Variants in RTN3 observed in about 807,000 individuals in gnomAD.
RTN3 encodes reticulon 3.
In RTN3, 49 loss-of-function variants were observed where a neutral mutation model predicts 77.8. The ratio of observed to expected loss-of-function variants is 0.63; its 90% confidence interval spans 0.50 to 0.80. The LOEUF is 0.80. Among genes scored for constraint, RTN3 ranks in the 30% least tolerant of loss-of-function variants. The pLI is 0.00. For synonymous variants in RTN3, 464 were observed against 446.9 expected (o/e 1.04, Z -0.48); for missense variants, 1,236 against 1,211.9 (o/e 1.02, Z -0.29).
chr11:63,686,705 C>T (rs138938621), intron 1 of RTN3, among the ~76,000 whole-genome samples: 209 of 151,990 alleles, frequency 1.4e-3, no homozygotes, highest in African/African-American at 4.1e-3. Context: ...TGGTGATGTG[C>T]GCCTGTGGTC....
chr11:63,735,572 C>CTCTCTCTCTT, intron 3 of RTN3, among the ~76,000 whole-genome samples: 1 of 146,428 alleles, frequency 6.8e-6, no homozygotes, highest in Non-Finnish European at 1.5e-5. Context: ...CTCTCTCTCT[C>CTCTCTCTCTT]TCTCTCTCTC....
intron 3 of RTN3, among the ~76,000 whole-genome samples, chr11:63,736,003 T>TA (rs959054061): frequency 2.0e-5 from 3 of 152,090 alleles, no homozygotes; most frequent in Non-Finnish European, 4.4e-5. Flanking sequence ...TTTAGCAACT[T>TA]AAATTTATTA....
intron 3 of RTN3, among the ~76,000 whole-genome samples, chr11:63,723,042 G>A (rs2011932997): frequency 6.6e-6 from 1 of 152,182 alleles, no homozygotes; most frequent in South Asian, 2.1e-4. Flanking sequence ...TTAATGTGAT[G>A]ATCATTATTT....
chr11:63,700,282 C>CT, intron 1 of RTN3, among the ~76,000 whole-genome samples: 1 of 133,434 alleles, frequency 7.5e-6, no homozygotes, highest in East Asian at 2.1e-4. Context: ...GATTCTTTTA[C>CT]TTTTTTTTTT....
intron 1 of RTN3, among the ~76,000 whole-genome samples, chr11:63,686,758 G>A (rs933135732): frequency 8.5e-5 from 13 of 152,086 alleles, no homozygotes; most frequent in Non-Finnish European, 1.8e-4. Flanking sequence ...GCTTGAGCTG[G>A]GGGCAGAGGT....
chr11:63,719,956 G>A lies in RTN3; in HGVS notation c.1454G>A (p.Ser485Asn). 6.2e-7 allele frequency: 1 copy of A among 1,614,174 alleles called. No individual in the cohort carries two copies. Among genetic ancestry groups the A allele is most frequent in the Non-Finnish European group, 8.5e-7 (1 of 1,180,028 alleles). ...CTGAAAGATGAAATGGACTGGCAGA[G>A]CTCTGCATTGGGAGAAATCACAGAA... ...DHLKDEMDWQ[S>N]SALGEITEAD... is the part of the protein sequence containing the mutation. The change falls in exon 3 of 9, where the codon AGC becomes AAC. Residue 485 changes from serine to asparagine, a missense_variant. By Grantham distance (46) the Ser-to-Asn change is conservative (BLOSUM62 1). Around this residue, in one of 3 missense-constraint regions of RTN3, gnomAD observed 1,056 missense variants for 990.4 expected, o/e 1.07. Transcript: ENST00000377819.
chr11:63,695,639 G>C (rs1941899089), intron 1 of RTN3, among the ~76,000 whole-genome samples: 1 of 152,168 alleles, frequency 6.6e-6, no homozygotes, highest in African/African-American at 2.4e-5. Flanking sequence ...CATGGCCCTT[G>C]GTATTCTTCC....
chr11:63,745,611 C>T (rs2013748415), intron 3 of RTN3, among the ~76,000 whole-genome samples: 1 of 152,172 alleles, frequency 6.6e-6, no homozygotes, highest in African/African-American at 2.4e-5. Flanking sequence ...ACTATGTCCC[C>T]TTTCTATCCC....
chr11:63,744,239 T>G (rs1429289745), intron 3 of RTN3, among the ~76,000 whole-genome samples: 1 of 912 alleles, frequency 1.1e-3, no homozygotes, highest in African/African-American at 2.7e-3. Context: ...AGACTCTGTC[T>G]CAAAAAAAAA....
chr11:63,720,640 A>T lies in RTN3; in HGVS notation c.2138A>T (p.Gln713Leu), dbSNP rs1384971239. The T allele has an allele frequency of 5.0e-6, 8 of 1,613,976 alleles. No individual in the cohort carries two copies. The highest frequency in any genetic ancestry group is 1.6e-4 in the Middle Eastern group (1 of 6,082). Residue 713 changes from glutamine to leucine, a missense_variant, in exon 3 of 9, where the codon CAA becomes CTA. By Grantham distance (113) the Gln-to-Leu change is moderately radical. Around this residue, in one of 3 missense-constraint regions of RTN3, gnomAD observed 1,056 missense variants for 990.4 expected, o/e 1.07. Coordinates refer to ENST00000377819, the MANE Select transcript of RTN3 (RefSeq NM_001265589.2). ...GACATTGGAAGCAAATACAGTGAAC[A>T]AAGCAAAGAAACAAATGGAAGTGAG... Reference protein sequence around the residue: ...IKDIGSKYSEQSKETNGSEPL... With the variant: ...IKDIGSKYSELSKETNGSEPL...
intron 1 of RTN3, among the ~76,000 whole-genome samples, chr11:63,688,386 C>T (rs1941482603): frequency 6.6e-6 from 1 of 152,098 alleles, no homozygotes; most frequent in Non-Finnish European, 1.5e-5. Flanking sequence ...CCACGCCTGG[C>T]TAATTTTTTG....
intron 7 of RTN3, among the ~76,000 whole-genome samples, chr11:63,755,480 T>C (rs1433278996): frequency 6.6e-6 from 1 of 151,238 alleles, no homozygotes; most frequent in Non-Finnish European, 1.5e-5. Flanking sequence ...ACCCTGTCTC[T>C]GTCTCTATTA....
At chr11:63,746,161 C>A (rs999215429) in intron 3 of RTN3, among the ~76,000 whole-genome samples, 1 of 152,170 alleles carries the variant, frequency 6.6e-6, no homozygotes, top group African/African-American at 2.4e-5. Context: ...GTCTTTATCC[C>A]TTTTCCTTCT....
intron 2 of RTN3, among the ~76,000 whole-genome samples, chr11:63,708,338 A>G (rs1389177240): frequency 2.6e-5 from 4 of 152,090 alleles, no homozygotes; most frequent in Non-Finnish European, 5.9e-5. Context: ...TAATAATAGG[A>G]CTTAAAAAAA....
At chr11:63,717,375 C>CT (rs1187530525) in intron 2 of RTN3, among the ~76,000 whole-genome samples, 3,993 of 75,180 alleles carry the variant, frequency 0.053, 694 homozygotes, top group Non-Finnish European at 0.073. Context: ...TTAACTCTGT[C>CT]TTTTTTTTTT....
At position 63,719,377 on chromosome 11, in the gene RTN3, A is replaced by G; in HGVS notation, c.875A>G (p.Asp292Gly). 6.2e-7 allele frequency: 1 copy of G among 1,614,190 alleles called. No homozygotes were observed. The highest frequency in any genetic ancestry group is 8.5e-7 in the Non-Finnish European group (1 of 1,180,026). Residue 292 changes from aspartate (D) to glycine (G), a missense_variant, in exon 3 of 9, where the codon GAC becomes GGC. Asp to Gly is a moderately conservative substitution (Grantham distance 94, BLOSUM62 -1). Transcript: ENST00000377819. ...TCCGAAGACATTTCAGAGACTAATG[A>G]CAAGCTTTTTCCACTGAGAAATAAA... ...ESSEDISETN[D>G]KLFPLRNKEA...
At position 63,719,477 on chromosome 11, in the gene RTN3, G is replaced by A. The variant is rs771242275; in HGVS notation, c.975G>A (p.Val325=). 4 of 1,614,148 alleles carry A rather than the reference G, an allele frequency of 2.5e-6. No individual in the cohort carries two copies. The highest frequency in any genetic ancestry group is 2.7e-5 in the African/African-American group (2 of 75,040). Residue 325 remains valine, a synonymous_variant, in exon 3 of 9, where the codon GTG becomes GTA. Transcript: ENST00000377819. The part of the protein sequence containing the change: ...FSHTNAALEE[V]SRCVNDMHNF... ...ACACAAATGCAGCACTGGAAGAGGT[G>A]TCCAGATGCGTGAATGATATGCATA... is the stretch of plus-strand genomic sequence containing the variant.
intron 1 of RTN3, among the ~76,000 whole-genome samples, chr11:63,695,808 A>T (rs1941908563): frequency 6.6e-6 from 1 of 152,204 alleles, no homozygotes; most frequent in African/African-American, 2.4e-5. Flanking sequence ...TGATGACAAA[A>T]TGTGATATGG....
At chr11:63,735,550 T>TTCTCTCTCTCCCTCTCTCTCTC (rs2013036070) in intron 3 of RTN3, among the ~76,000 whole-genome samples, 1 of 42,734 alleles carries the variant, frequency 2.3e-5, no homozygotes, top group South Asian at 1.5e-3. Context: ...ATTCTAACAT[T>TTCTCTCTCTCCCTCTCTCTCTC]TCTCTCTCTC....
Sources: gnomAD v4.1 joint callset for allele counts (sites outside exome capture counted in the v4.1 genomes callset) on GRCh38, gnomAD v4.1.1 for gene constraint, gnomAD v4.1.1 regional missense constraint, MANE v1.5 for transcripts, NCBI Gene and HGNC (gene_info 2026-07-23, HGNC 2026-07-21) for gene names.